Variants in LATS2 observed in about 807,000 individuals in gnomAD.
LATS2 encodes serine/threonine-protein kinase LATS2.
LATS2 carries 24 observed loss-of-function variants against 76.0 expected under a neutral mutation model. The ratio of observed to expected loss-of-function variants is 0.32; its 90% CI spans 0.23 to 0.44. The LOEUF is 0.44. LATS2 is among the 20% of genes least tolerant of loss of function. LATS2 has a pLI of 1.00. For missense variants in LATS2, 1,286 were observed against 1,481.2 expected, an observed-to-expected ratio of 0.87 and a Z score of 2.16; for synonymous variants, 692 against 635.4, an observed-to-expected ratio of 1.09 and a Z score of -1.34.
intron 2 of LATS2, among the ~76,000 whole-genome samples, chr13:21,028,176 G>A (rs187040615): frequency 5.9e-4 from 89 of 152,122 alleles, no homozygotes; most frequent in African/African-American, 1.8e-3. Flanking sequence ...GAGAACATGC[G>A]GTGTTTGGTT....
intron 2 of LATS2, among the ~76,000 whole-genome samples, chr13:21,019,493 A>T (rs1241451442): frequency 1.5e-5 from 2 of 132,640 alleles, no homozygotes; most frequent in African/African-American, 5.7e-5. Flanking sequence ...CGCCCAGCTA[A>T]TTTTTTTTTT....
chr13:20,996,492 C>G (rs184506438), intron 2 of LATS2, among the ~76,000 whole-genome samples: 1 of 151,936 alleles, frequency 6.6e-6, no homozygotes, highest in Non-Finnish European at 1.5e-5. Context: ...ATTCTCCTGC[C>G]TCAGCTTCCC....
At chr13:21,024,869 G>A (rs1465950038) in intron 2 of LATS2, among the ~76,000 whole-genome samples, 1 of 152,060 alleles carries the variant, frequency 6.6e-6, no homozygotes, top group Non-Finnish European at 1.5e-5. Context: ...CAATTGAGAT[G>A]AGCCCCATCT....
chr13:21,013,768 C>T (rs1871689312), intron 2 of LATS2, among the ~76,000 whole-genome samples: 1 of 152,042 alleles, frequency 6.6e-6, no homozygotes, highest in Admixed American at 6.6e-5. Context: ...GAGTTTGAGG[C>T]CATCCTGGGC....
intron 2 of LATS2, among the ~76,000 whole-genome samples, chr13:21,030,613 A>AAG (rs1555226889): frequency 0.023 from 455 of 19,428 alleles, 8 homozygotes; most frequent in Middle Eastern, 0.067. Flanking sequence ...AAAAAAAAAG[A>AAG]AAAAAAAAAA....
At chr13:20,996,004 GA>G (rs1218679987) in intron 2 of LATS2, among the ~76,000 whole-genome samples, 1 of 152,098 alleles carries the variant, frequency 6.6e-6, no homozygotes, top group Non-Finnish European at 1.5e-5. Context: ...CTTAATTTAG[GA>G]AAGCTTAATT....
chr13:21,043,437 G>A (rs1407684543), intron 2 of LATS2, among the ~76,000 whole-genome samples: 2 of 151,760 alleles, frequency 1.3e-5, no homozygotes, highest in Non-Finnish European at 2.9e-5. Context: ...CTTATTATTT[G>A]GGTTCACATA....
chr13:21,049,039 C>A (rs1873170722), intron 1 of LATS2, among the ~76,000 whole-genome samples: 3 of 152,018 alleles, frequency 2.0e-5, no homozygotes, highest in Admixed American at 1.3e-4. Context: ...AATAATTAGA[C>A]CTGAGTGTCA....
intron 2 of LATS2, among the ~76,000 whole-genome samples, chr13:21,025,210 T>G (rs1595243126): frequency 9.0e-6 from 1 of 111,202 alleles, no homozygotes. Context: ...CGAAACCCCG[T>G]CTCTACTAAA....
chr13:21,020,685 G>A (rs1173871518), intron 2 of LATS2, among the ~76,000 whole-genome samples: 1 of 152,116 alleles, frequency 6.6e-6, no homozygotes, highest in East Asian at 1.9e-4. Flanking sequence ...CTCCATGTAG[G>A]GACACTGTCC....
chr13:20,975,369 G>A lies in LATS2; in HGVS notation c.2773-5C>T. ...CGTGTTCTCCCAGTTGATCACCTGA[G>A]GAAACAACAGAGCCAACAGGTTAGT... is the stretch of plus-strand genomic sequence containing the variant. On this transcript the variant is annotated splice_polypyrimidine_tract_variant and splice_region_variant and intron_variant, in intron 7 of 7. Coordinates refer to ENST00000382592, the MANE Select transcript of LATS2 (RefSeq NM_014572.3). The A allele has an allele frequency of 3.2e-6, 5 of 1,542,014 alleles. No homozygotes were observed. The highest frequency in any genetic ancestry group is 4.4e-6 in the Non-Finnish European group (5 of 1,145,736).
At chr13:21,040,070 T>C (rs1284157313) in intron 2 of LATS2, among the ~76,000 whole-genome samples, 2 of 145,914 alleles carry the variant, frequency 1.4e-5, no homozygotes, top group African/African-American at 5.1e-5. Flanking sequence ...CGAAACTCCA[T>C]CTCAAAAAAA....
intron 1 of LATS2, among the ~76,000 whole-genome samples, chr13:21,049,736 T>A (rs1265616434): frequency 6.6e-6 from 1 of 152,038 alleles, no homozygotes; most frequent in African/African-American, 2.4e-5. Context: ...CTCTCCCCCA[T>A]CACATGAGCA....
intron 2 of LATS2, among the ~76,000 whole-genome samples, chr13:21,034,140 T>C (rs1872617358): frequency 1.3e-5 from 2 of 152,160 alleles, no homozygotes; most frequent in Admixed American, 6.5e-5. Context: ...GCCAGTTACT[T>C]TACATTCTTT....
rs78125596 is a variant in LATS2 at position 21,007,605 on chromosome 13, G to A, written c.343-16201C>T. ...TATATATAGTATATATATATATAGTGTGTATATATATATATAGTGTATATA... is the reference window on the plus strand; with the variant it reads ...TATATATAGTATATATATATATAGTATGTATATATATATATAGTGTATATA... On this transcript the variant is annotated intron_variant, in intron 2 of 7. Coordinates refer to ENST00000382592, the MANE Select transcript of LATS2 (RefSeq NM_014572.3). Among the ~76,000 whole-genome samples, 3 of 740 alleles carry A rather than the reference G, an allele frequency of 4.1e-3. 1 individual carries two copies. Among genetic ancestry groups the A allele is most frequent in the African/African-American group, 0.014 (3 of 222 alleles). The allele number at this position is 740 out of a possible 152,430, so 0.5% of individuals were successfully genotyped here.
rs1412984808 is a variant in LATS2 at position 20,979,546 on chromosome 13, G to A, written c.2772+145C>T. On this transcript the variant is annotated intron_variant, in intron 7 of 7. Coordinates refer to ENST00000382592, the MANE Select transcript of LATS2 (RefSeq NM_014572.3). ...AAAAATAGATAATTTAAAAAATAAT[G>A]AGATTATTTTTAAAAATCCCATCCT... 1.4e-5 allele frequency: 6 copies of A among 416,334 alleles called. No homozygotes were observed. The East Asian group carries it at 2.1e-4, about 15-fold the overall frequency. 25.8% of individuals were successfully genotyped at this position (416,334 alleles called of 1,614,324 possible).
chr13:21,011,022 A>C (rs776254240), intron 2 of LATS2, among the ~76,000 whole-genome samples: 1 of 152,280 alleles, frequency 6.6e-6, no homozygotes, highest in African/African-American at 2.4e-5. Flanking sequence ...TCATTGGAGT[A>C]AAGTCTTTTT....
chr13:20,978,572 T>TAC (rs1435657279), intron 7 of LATS2, among the ~76,000 whole-genome samples: 2 of 152,172 alleles, frequency 1.3e-5, no homozygotes, highest in Non-Finnish European at 2.9e-5. Context: ...TTTCTTTAGA[T>TAC]ACAGTTGACC....
intron 1 of LATS2, among the ~76,000 whole-genome samples, chr13:21,056,676 G>C (rs1325746053): frequency 6.6e-6 from 1 of 152,170 alleles, no homozygotes; most frequent in African/African-American, 2.4e-5. Flanking sequence ...CAGCTAGGGA[G>C]TTAGAACACC....
Sources: allele counts gnomAD v4.1 joint callset (sites outside exome capture counted in the v4.1 genomes callset), GRCh38; gene constraint gnomAD v4.1.1; transcripts MANE v1.5; gene names NCBI Gene and HGNC (gene_info 2026-07-23, HGNC 2026-07-21).